The following SHLD1 variants were observed in gnomAD, a reference collection of about 807,000 sequenced individuals.
SHLD1 encodes the protein shieldin complex subunit 1.
Under a neutral mutation model 5.5 loss-of-function variants are expected in SHLD1, and 3 were observed. That is an observed-to-expected ratio of 0.54 (90% confidence interval 0.25 to 1.40). The LOEUF (loss-of-function observed/expected upper bound fraction) is 1.40, where lower values mean the gene tolerates loss of function less well. SHLD1 is among the 40% of genes most tolerant of loss of function. The pLI is 0.15. For missense variants in SHLD1, 210 were observed against 244.4 expected (o/e 0.86, Z 0.94); for synonymous variants, 92 against 94.3 (o/e 0.98, Z 0.14).
intron 2 of SHLD1, among the ~76,000 whole-genome samples, chr20:5,817,422 CTCTCTCTCTCTGTG>C (rs1392639045): frequency 3.0e-5 from 4 of 131,702 alleles, no homozygotes; most frequent in African/African-American, 1.4e-4. Flanking sequence ...CTCTCTCTCT[CTCTCTCTCTCTGTG>C]TGTGTGTGTG....
At chr20:5,843,668 C>T (rs1386702353) in intron 2 of SHLD1, among the ~76,000 whole-genome samples, 2 of 152,146 alleles carry the variant, frequency 1.3e-5, no homozygotes, top group Admixed American at 6.5e-5. Context: ...GCTTTCCTTG[C>T]TTTGTTACCA....
In SHLD1 at chr20:5,760,586, G is replaced by A. The variant is rs905638282; in HGVS notation, c.-5+10107G>A. 5.3e-5 allele frequency among the ~76,000 whole-genome samples: 8 copies of A among 152,046 alleles called. No homozygotes were observed. In the East Asian group the frequency reaches 9.7e-4, roughly 18 times the overall value. ...CTTGCACCTGTAGTCCTGGCTATCCGGGAGGCTGAGGCAGGAGAATTGCTT... is the reference window on the plus strand; with the variant it reads ...CTTGCACCTGTAGTCCTGGCTATCCAGGAGGCTGAGGCAGGAGAATTGCTT... On this transcript the variant is annotated intron_variant, in intron 1 of 2. Transcript: ENST00000303142.
At chr20:5,836,950 AAAAC>A (rs933689746) in intron 2 of SHLD1, among the ~76,000 whole-genome samples, 5 of 152,228 alleles carry the variant, frequency 3.3e-5, no homozygotes, top group African/African-American at 1.2e-4. Context: ...GCAACAAAAC[AAAAC>A]AAACAAAAAA....
intron 2 of SHLD1, among the ~76,000 whole-genome samples, chr20:5,861,993 A>G (rs1699235): frequency 0.73 from 110,546 of 152,110 alleles, 40,342 homozygotes; most frequent in African/African-American, 0.79. Context: ...GTGTGCTCAC[A>G]TGGCTTTTCC....
chr20:5,838,103 T>G (rs1238674652), intron 2 of SHLD1, among the ~76,000 whole-genome samples: 1 of 152,236 alleles, frequency 6.6e-6, no homozygotes, highest in Non-Finnish European at 1.5e-5. Flanking sequence ...AATATTGCTC[T>G]AATAAAAATT....
At chr20:5,781,641 C>G (rs2086990874) in intron 2 of SHLD1, among the ~76,000 whole-genome samples, 1 of 142,018 alleles carries the variant, frequency 7.0e-6, no homozygotes, top group Non-Finnish European at 1.6e-5. Flanking sequence ...CCCTGCCCAG[C>G]TATTTTTTTG....
chr20:5,816,012 CAGAGGTTGCAGTG>C (rs2087525197), intron 2 of SHLD1, among the ~76,000 whole-genome samples: 1 of 141,116 alleles, frequency 7.1e-6, no homozygotes, highest in Admixed American at 7.9e-5. Context: ...ACCCAGGAGA[CAGAGGTTGCAGTG>C]AGCTGAGATC....
intron 2 of SHLD1, among the ~76,000 whole-genome samples, chr20:5,844,471 G>A (rs2087902901): frequency 6.6e-6 from 1 of 152,118 alleles, no homozygotes; most frequent in Non-Finnish European, 1.5e-5. Context: ...GGGATGGCTG[G>A]AGGGCTCTAC....
chr20:5,850,514 T>A (rs973114040), intron 2 of SHLD1, among the ~76,000 whole-genome samples: 4 of 141,532 alleles, frequency 2.8e-5, no homozygotes, highest in Admixed American at 1.4e-4. Flanking sequence ...AGTTTTAATT[T>A]TTTTTTTTTT....
chr20:5,764,137 A>ATATATATATAT (rs1450130967), intron 1 of SHLD1, among the ~76,000 whole-genome samples: 3 of 95,862 alleles, frequency 3.1e-5, no homozygotes, highest in African/African-American at 9.5e-5. Flanking sequence ...AAAAAAAAAA[A>ATATATATATAT]AAATATATAT....
At chr20:5,858,694 G>A (rs934106903) in intron 2 of SHLD1, among the ~76,000 whole-genome samples, 4 of 152,096 alleles carry the variant, frequency 2.6e-5, no homozygotes, top group African/African-American at 7.2e-5. Context: ...AATTAGCCAG[G>A]CATGGTGGCA....
At chr20:5,761,763 G>A (rs767259189) in intron 1 of SHLD1, among the ~76,000 whole-genome samples, 20 of 151,060 alleles carry the variant, frequency 1.3e-4, no homozygotes, top group Non-Finnish European at 2.4e-4. Context: ...GCACGCCACC[G>A]CGCCCAGCTA....
At chr20:5,760,301 G>A (rs997407545) in intron 1 of SHLD1, among the ~76,000 whole-genome samples, 4 of 152,090 alleles carry the variant, frequency 2.6e-5, no homozygotes, top group Non-Finnish European at 4.4e-5. Context: ...AAGGAGAGGT[G>A]AAGTGGAGTG....
intron 2 of SHLD1, among the ~76,000 whole-genome samples, chr20:5,816,773 A>T (rs2087535371): frequency 6.6e-6 from 1 of 152,218 alleles, no homozygotes; most frequent in African/African-American, 2.4e-5. Flanking sequence ...GTTTTCCTTT[A>T]AGACCCTGAG....
At chr20:5,757,360 TGCCCA>T (rs1475171802) in intron 1 of SHLD1, among the ~76,000 whole-genome samples, 1 of 152,070 alleles carries the variant, frequency 6.6e-6, no homozygotes, top group Non-Finnish European at 1.5e-5. Context: ...TAAGCCACTA[TGCCCA>T]GCCTTTTTCT....
intron 2 of SHLD1, among the ~76,000 whole-genome samples, chr20:5,805,071 A>C (rs1236082583): frequency 6.6e-6 from 1 of 152,230 alleles, no homozygotes; most frequent in Non-Finnish European, 1.5e-5. Context: ...TTGTGCCTTC[A>C]TGCTCAACTC....
At chr20:5,810,348 A>G (rs564769612) in intron 2 of SHLD1, among the ~76,000 whole-genome samples, 19 of 152,174 alleles carry the variant, frequency 1.2e-4, no homozygotes, top group African/African-American at 4.6e-4. Flanking sequence ...TGATCTTAGC[A>G]TTAGGCTAGG....
intron 2 of SHLD1, among the ~76,000 whole-genome samples, chr20:5,796,608 C>G (rs1385515528): frequency 6.6e-6 from 1 of 152,020 alleles, no homozygotes; most frequent in Non-Finnish European, 1.5e-5. Flanking sequence ...GGGTGGATCA[C>G]TTGAGTCTAG....
At chr20:5,846,925 A>G (rs2087939479) in intron 2 of SHLD1, among the ~76,000 whole-genome samples, 1 of 152,220 alleles carries the variant, frequency 6.6e-6, no homozygotes, top group African/African-American at 2.4e-5. Flanking sequence ...TTCATGGAAA[A>G]GAAGACAGAG....
Sources: gnomAD v4.1 joint callset for allele counts (sites outside exome capture counted in the v4.1 genomes callset) on GRCh38, gnomAD v4.1.1 for gene constraint, MANE v1.5 for transcripts, NCBI Gene and HGNC (gene_info 2026-07-23, HGNC 2026-07-21) for gene names.